The following UROC1 variants were observed in gnomAD, a reference collection of about 807,000 sequenced individuals.
The protein encoded by UROC1 is urocanate hydratase.
Under a neutral mutation model 89.5 loss-of-function variants are expected in UROC1, and 79 were observed. The ratio of observed to expected loss-of-function variants is 0.88; its 90% CI spans 0.74 to 1.06. The LOEUF (loss-of-function observed/expected upper bound fraction) is 1.06. Ranked by LOEUF, UROC1 falls within the 50% of genes least tolerant of loss-of-function variation. The pLI is 0.00. For missense variants in UROC1, 885 were observed against 907.8 expected (o/e 0.97, Z 0.32); for synonymous variants, 361 against 354.8 (o/e 1.02, Z -0.20).
Position 126,481,703 on chromosome 3 carries a change from G to A in UROC1, c.*642C>T, listed in dbSNP as rs768986246. ...AAGGGGTGCCAGACTCCAGCCTCAG[G>A]GGCCAGCAAAGGGTCCCCTTTGCTG... is the stretch of plus-strand genomic sequence containing the variant. On this transcript the variant is annotated 3_prime_UTR_variant, in exon 20 of 20. Coordinates refer to ENST00000290868, the MANE Select transcript of UROC1 (RefSeq NM_144639.3). The A allele has an allele frequency of 6.6e-6, 1 of 152,158 alleles. No individual in the cohort carries two copies. Among genetic ancestry groups the A allele is most frequent in the Non-Finnish European group, 1.5e-5 (1 of 68,106 alleles). The allele number at this position is 152,158 out of a possible 1,614,324, so 9.4% of individuals were successfully genotyped here.
intron 9 of UROC1, among the ~76,000 whole-genome samples, chr3:126,503,792 AC>A (rs1935990298): frequency 6.6e-6 from 1 of 152,022 alleles, no homozygotes; most frequent in Non-Finnish European, 1.5e-5. Context: ...CTGCCCTATC[AC>A]CACCCGCGGG....
In UROC1 at chr3:126,500,794, G is replaced by C; in HGVS notation, c.1046C>G (p.Pro349Arg). ...CACAGGGTAGTAGCCGCCATTGAAC[G>C]GGTTGTGGCAGGATGTCTGATCTGA... ...LGSDQTSCHN[P>R]FNGGYYPVQL... is the part of the protein sequence containing the mutation. Residue 349 changes from proline (P) to arginine (R), a missense_variant, in exon 11 of 20, where the codon CCG becomes CGG. By Grantham distance (103) the Pro-to-Arg change is moderately radical. Transcript: ENST00000290868. The C allele has an allele frequency of 6.2e-7, 1 of 1,614,064 alleles. No homozygotes were observed. Among genetic ancestry groups the C allele is most frequent in the Non-Finnish European group, 8.5e-7 (1 of 1,180,026 alleles).
intron 16 of UROC1, 120 bp downstream of exon 16, chr3:126,492,298 G>A (rs1030659269): frequency 4.1e-6 from 4 of 969,468 alleles, no homozygotes; most frequent in African/African-American, 3.2e-5. Flanking sequence ...GCCCAACGGG[G>A]GTGTCTCCCC....
In UROC1 at chr3:126,508,408, T is replaced by C; in HGVS notation, c.411+8A>G. 1 of 1,613,570 alleles carries C rather than the reference T, an allele frequency of 6.2e-7. No individual in the cohort carries two copies. The highest frequency in any genetic ancestry group is 1.1e-5 in the South Asian group (1 of 91,050). On this transcript the variant is annotated splice_region_variant and intron_variant, in intron 4 of 19. Transcript: ENST00000290868. ...GGGGTGGGGACGAGGCCACACGGTG[T>C]GCAGTACCTGAGCCCAGTTGCTGAA...
chr3:126,489,302 A>G lies in UROC1; in HGVS notation c.1682T>C (p.Ile561Thr), dbSNP rs764263682. 1 of 1,613,878 alleles carries G rather than the reference A, an allele frequency of 6.2e-7. No homozygotes were observed. Among genetic ancestry groups the G allele is most frequent in the Non-Finnish European group, 8.5e-7 (1 of 1,179,988 alleles). ...TDSPFRETSN[I>T]YDGSAFCADM... is the part of the protein sequence containing the mutation. ...TGCACAGAAGGCAGAGCCGTCGTAA[A>G]TGTTGGAGGTCTCCCTAAAGGGGCT... is the stretch of plus-strand genomic sequence containing the variant. Residue 561 changes from isoleucine to threonine, a missense_variant, in exon 17 of 20, where the codon ATT becomes ACT. By Grantham distance (89) the Ile-to-Thr change is moderately conservative. Transcript: ENST00000290868.
At chr3:126,489,869 A>T (rs1228020650) in intron 16 of UROC1, among the ~76,000 whole-genome samples, 1 of 152,242 alleles carries the variant, frequency 6.6e-6, no homozygotes, top group Non-Finnish European at 1.5e-5. Context: ...TTGTATGTCG[A>T]GGAGAGTACT....
At chr3:126,487,475 C>T (rs1935543858) in intron 18 of UROC1, among the ~76,000 whole-genome samples, 1 of 152,232 alleles carries the variant, frequency 6.6e-6, no homozygotes, top group African/African-American at 2.4e-5. Flanking sequence ...GAGGCCAAGC[C>T]AGCCTGTCGG....
chr3:126,487,897 A>G (rs1935552373), intron 18 of UROC1, among the ~76,000 whole-genome samples: 1 of 152,150 alleles, frequency 6.6e-6, no homozygotes, highest in Non-Finnish European at 1.5e-5. Flanking sequence ...CTGGAAACTA[A>G]CTGCACACTG....
chr3:126,492,117 C>T (rs1207359210), intron 16 of UROC1, among the ~76,000 whole-genome samples: 2 of 152,056 alleles, frequency 1.3e-5, no homozygotes, highest in African/African-American at 4.8e-5. Flanking sequence ...CCCTCACAGC[C>T]GCCTTACCCT....
rs1935561813 is a variant in UROC1 at position 126,488,271 on chromosome 3, C to T, written c.1717G>A (p.Val573Met). ...DGSAFCADMA[V>M]QNFVGDACRG... ...CAGGCATCTCCCACGAAGTTCTGCACAGCCATGTCTGCGGAAATAGAGACG... is the reference window on the plus strand; with the variant it reads ...CAGGCATCTCCCACGAAGTTCTGCATAGCCATGTCTGCGGAAATAGAGACG... Residue 573 changes from valine (V) to methionine (M), a missense_variant, in exon 18 of 20, where the codon GTG becomes ATG. Coordinates refer to ENST00000290868, the MANE Select transcript of UROC1 (RefSeq NM_144639.3). 1.2e-6 allele frequency: 2 copies of T among 1,614,146 alleles called. No individual in the cohort carries two copies. The highest frequency in any genetic ancestry group is 1.7e-6 in the Non-Finnish European group (2 of 1,180,054).
intron 15 of UROC1, among the ~76,000 whole-genome samples, chr3:126,493,414 C>T (rs1935701333): frequency 6.6e-6 from 1 of 152,192 alleles, no homozygotes. Flanking sequence ...TCTGTCCATA[C>T]AGTGGATTGT....
chr3:126,497,636 G>C (rs534594548), intron 14 of UROC1, among the ~76,000 whole-genome samples: 13 of 152,208 alleles, frequency 8.5e-5, no homozygotes, highest in Non-Finnish European at 1.8e-4. Flanking sequence ...GTCTGAGAGG[G>C]ACTGTGGTGT....
At position 126,507,804 on chromosome 3, in the gene UROC1, C is replaced by T; in HGVS notation, c.541-1G>A. 6.2e-7 allele frequency: 1 copy of T among 1,614,088 alleles called. No individual in the cohort carries two copies. Among genetic ancestry groups the T allele is most frequent in the South Asian group, 1.1e-5 (1 of 91,070 alleles). ...TCCGGGAGGAGTAGTTGGGAATGACCTGGAGAAGAGGATGGGGGCAGACAG... is the reference window on the plus strand; with the variant it reads ...TCCGGGAGGAGTAGTTGGGAATGACTTGGAGAAGAGGATGGGGGCAGACAG... On this transcript the variant is annotated splice_acceptor_variant, in intron 5 of 19. Coordinates refer to ENST00000290868, the MANE Select transcript of UROC1 (RefSeq NM_144639.3). LOFTEE classifies it high-confidence loss of function.
rs1240568059 is a variant in UROC1, at chr3:126,501,327, A to G, written c.903-47T>C. On this transcript the variant is annotated intron_variant, in intron 9 of 19. Transcript: ENST00000290868. Reference sequence around the variant, plus strand: ...ACAGGTGCCCCCTGCACCTGTGCATAGGTGCCCCAGACACACCTGCACCCC... The same window carrying G: ...ACAGGTGCCCCCTGCACCTGTGCATGGGTGCCCCAGACACACCTGCACCCC... 7 of 1,610,364 alleles carry G rather than the reference A, an allele frequency of 4.3e-6. No homozygotes were observed. The East Asian group carries it at 1.6e-4, about 36-fold the overall frequency.
chr3:126,506,911 C>G (rs1247616624), intron 6 of UROC1, among the ~76,000 whole-genome samples: 38 of 152,128 alleles, frequency 2.5e-4, no homozygotes, highest in Admixed American at 2.5e-3. Flanking sequence ...AACCCCATCT[C>G]TACTAAAAAT....
chr3:126,511,043 T>G (rs1936183968), intron 1 of UROC1, among the ~76,000 whole-genome samples: 1 of 152,034 alleles, frequency 6.6e-6, no homozygotes, highest in South Asian at 2.1e-4. Flanking sequence ...TTGCTTACGG[T>G]GAACCATCTC....
chr3:126,501,094 G>T, intron 10 of UROC1, 124 bp downstream of exon 10: 1 of 1,222,944 alleles, frequency 8.2e-7, no homozygotes. Context: ...GGGCCAACAA[G>T]GGTGGCGCTG....
At position 126,499,798 on chromosome 3, in the gene UROC1, C is replaced by T. The variant is rs1935871672; in HGVS notation, c.1243+259G>A. 4.6e-5 allele frequency among the ~76,000 whole-genome samples: 7 copies of T among 152,234 alleles called. No individual in the cohort carries two copies. The South Asian group carries it at 1.4e-3, about 31-fold the overall frequency. On this transcript the variant is annotated intron_variant, in intron 12 of 19. Transcript: ENST00000290868. ...GCTGCAATTTTGGGACTGGAGCTTG[C>T]ACCTGAGTCTTGTACCTGCTCTCCG...
At chr3:126,499,525 T>G (rs910788382) in intron 12 of UROC1, 116 bp from the exon 13 acceptor site, 15 of 1,055,856 alleles carry the variant, frequency 1.4e-5, no homozygotes, top group Non-Finnish European at 2.2e-5. Context: ...AAGGTCTTTT[T>G]CATGTAAAAG....
Sources: gnomAD v4.1 joint callset for allele counts (sites outside exome capture counted in the v4.1 genomes callset) on GRCh38, gnomAD v4.1.1 for gene constraint, MANE v1.5 for transcripts, NCBI Gene and HGNC (gene_info 2026-07-23, HGNC 2026-07-21) for gene names.